Variants in DLG2 observed in about 807,000 individuals in gnomAD.
DLG2 encodes the protein discs large MAGUK scaffold protein 2, also known as disks large homolog 2.
In DLG2, 45 loss-of-function variants were observed where a neutral mutation model predicts 132.5. The observed-to-expected ratio is 0.34, with a 90% confidence interval of 0.27 to 0.44. The LOEUF (loss-of-function observed/expected upper bound fraction) is 0.44, where lower values mean the gene tolerates loss of function less well. Among genes scored for constraint, DLG2 ranks in the 20% least tolerant of loss-of-function variants. DLG2 has a pLI of 1.00. For synonymous variants in DLG2, 424 were observed against 419.6 expected, an observed-to-expected ratio of 1.01 and a Z score of -0.13; for missense variants, 1,045 against 1,196.9, an observed-to-expected ratio of 0.87 and a Z score of 1.87.
chr11:85,406,435 A>C (rs1280249676), intron 3 of DLG2, among the ~76,000 whole-genome samples: 1 of 150,500 alleles, frequency 6.6e-6, no homozygotes, highest in Non-Finnish European at 1.5e-5. Context: ...TAGAATACTG[A>C]AAGCACATTC....
chr11:84,875,186 A>C (rs1216818597), intron 6 of DLG2, among the ~76,000 whole-genome samples: 1 of 152,176 alleles, frequency 6.6e-6, no homozygotes, highest in Admixed American at 6.5e-5. Flanking sequence ...TTCAATAAAA[A>C]ATTATAAACT....
At chr11:85,409,869 C>T (rs1000750240) in intron 3 of DLG2, among the ~76,000 whole-genome samples, 5 of 151,802 alleles carry the variant, frequency 3.3e-5, no homozygotes, top group African/African-American at 1.2e-4. Context: ...AAATGTTGCT[C>T]ATTATCATTA....
chr11:84,706,491 A>T (rs960664382), intron 6 of DLG2, among the ~76,000 whole-genome samples: 1 of 151,816 alleles, frequency 6.6e-6, no homozygotes, highest in Admixed American at 6.6e-5. Flanking sequence ...AATTCAACAT[A>T]GAATTAGATT....
chr11:84,982,997 C>T lies in DLG2; in HGVS notation c.357+128664G>A, dbSNP rs1412808375. Among the ~76,000 whole-genome samples, 3 of 152,276 alleles carry T rather than the reference C, an allele frequency of 2.0e-5. No homozygotes were observed. The East Asian group carries it at 5.8e-4, about 29-fold the overall frequency. ...TGATGGTGAAAGACTGAATGGTTTTCCCCTAAGGTTGACTACAGGCAAGGA... is the reference window on the plus strand; with the variant it reads ...TGATGGTGAAAGACTGAATGGTTTTTCCCTAAGGTTGACTACAGGCAAGGA... On this transcript the variant is annotated intron_variant, in intron 6 of 27. Coordinates refer to ENST00000376104, the MANE Select transcript of DLG2 (RefSeq NM_001142699.3).
At chr11:84,421,480 T>A (rs753749820) in intron 7 of DLG2, among the ~76,000 whole-genome samples, 3 of 152,190 alleles carry the variant, frequency 2.0e-5, no homozygotes, top group African/African-American at 7.2e-5. Flanking sequence ...GTGATTTCCA[T>A]GCACACTAAA....
At chr11:85,480,296 A>G (rs1272215080) in intron 3 of DLG2, among the ~76,000 whole-genome samples, 1 of 152,236 alleles carries the variant, frequency 6.6e-6, no homozygotes, top group Non-Finnish European at 1.5e-5. Flanking sequence ...AAACAGTTAC[A>G]AAATATTCTA....
At chr11:84,661,180 C>G (rs2099694085) in intron 6 of DLG2, among the ~76,000 whole-genome samples, 2 of 152,054 alleles carry the variant, frequency 1.3e-5, no homozygotes, top group Admixed American at 1.3e-4. Flanking sequence ...TGTAATCATG[C>G]CTTTGCAGGT....
At chr11:83,605,144 G>A (rs1191266490) in intron 19 of DLG2, among the ~76,000 whole-genome samples, 7 of 152,192 alleles carry the variant, frequency 4.6e-5, no homozygotes, top group Admixed American at 1.3e-4. Flanking sequence ...GCTTTAAAAT[G>A]CCCAATTCAA....
At chr11:83,973,372 T>C (rs2091683852) in intron 12 of DLG2, among the ~76,000 whole-genome samples, 1 of 152,104 alleles carries the variant, frequency 6.6e-6, no homozygotes, top group Non-Finnish European at 1.5e-5. Flanking sequence ...AAATAAAATA[T>C]GTCATAGCAA....
intron 17 of DLG2, chr11:83,790,291 A>G: frequency 1.1e-6 from 1 of 932,356 alleles, no homozygotes; most frequent in Non-Finnish European, 1.7e-6. Context: ...GTCTAGTGTG[A>G]ACTGTTTTAC....
intron 21 of DLG2, among the ~76,000 whole-genome samples, chr11:83,528,126 T>C (rs986971071): frequency 6.6e-6 from 1 of 152,154 alleles, no homozygotes; most frequent in African/African-American, 2.4e-5. Flanking sequence ...GATGGCTGTT[T>C]GAAGTTTAGG....
At chr11:84,060,759 T>C (rs1312191993) in intron 10 of DLG2, among the ~76,000 whole-genome samples, 1 of 152,166 alleles carries the variant, frequency 6.6e-6, no homozygotes, top group Non-Finnish European at 1.5e-5. Flanking sequence ...CAATCTCAGA[T>C]CACCATGTTG....
intron 5 of DLG2, among the ~76,000 whole-genome samples, chr11:85,149,617 G>A (rs1487487488): frequency 6.6e-6 from 1 of 151,756 alleles, no homozygotes; most frequent in Non-Finnish European, 1.5e-5. Context: ...ATACTTCATT[G>A]TTTTCAAGCA....
chr11:84,261,151 G>A (rs537895474), intron 7 of DLG2, among the ~76,000 whole-genome samples: 6 of 152,292 alleles, frequency 3.9e-5, no homozygotes, highest in South Asian at 2.1e-4. Flanking sequence ...TTTAGGTTAA[G>A]GTAGGGCTTA....
intron 18 of DLG2, among the ~76,000 whole-genome samples, chr11:83,757,260 G>A (rs1447822418): frequency 6.6e-6 from 1 of 152,120 alleles, no homozygotes; most frequent in Admixed American, 6.6e-5. Context: ...CCAGAGCTAG[G>A]GCTCTTCTGC....
chr11:85,034,729 C>G (rs2154146313), intron 6 of DLG2, among the ~76,000 whole-genome samples: 1 of 152,220 alleles, frequency 6.6e-6, no homozygotes, highest in South Asian at 2.1e-4. Flanking sequence ...TGCTGAGACT[C>G]TAGTTTCAGG....
chr11:85,162,469 G>C (rs2078106703), intron 4 of DLG2, among the ~76,000 whole-genome samples: 1 of 152,192 alleles, frequency 6.6e-6, no homozygotes, highest in South Asian at 2.1e-4. Context: ...AGTAGAAGAA[G>C]GTAGTCATCA....
chr11:84,078,146 C>T (rs1294176946), intron 10 of DLG2, among the ~76,000 whole-genome samples: 5 of 152,026 alleles, frequency 3.3e-5, no homozygotes, highest in Non-Finnish European at 7.4e-5. Flanking sequence ...AAAATCAGTC[C>T]ATGTTTCCAT....
intron 7 of DLG2, among the ~76,000 whole-genome samples, chr11:84,346,008 G>A (rs2098537823): frequency 6.6e-6 from 1 of 152,126 alleles, no homozygotes; most frequent in African/African-American, 2.4e-5. Flanking sequence ...TACTTCTGAA[G>A]GTGTTTTCTC....
Sources: allele counts gnomAD v4.1 joint callset (sites outside exome capture counted in the v4.1 genomes callset), GRCh38; gene constraint gnomAD v4.1.1; transcripts MANE v1.5; gene names NCBI Gene and HGNC (gene_info 2026-07-23, HGNC 2026-07-21).